STPG2: variants seen among roughly 807,000 people sequenced by gnomAD.
STPG2 encodes the protein sperm-tail PG-rich repeat-containing protein 2.
A neutral mutation model predicts 54.2 loss-of-function variants in STPG2; 56 were observed. The observed-to-expected ratio is 1.03, with a 90% CI of 0.83 to 1.29. The LOEUF (loss-of-function observed/expected upper bound fraction) is 1.29. STPG2 is among the 50% of genes most tolerant of loss of function. The pLI, the probability that STPG2 is intolerant of heterozygous loss-of-function variation, is 0.00. For missense variants in STPG2, 596 were observed against 544.9 expected (o/e 1.09, Z -0.93); for synonymous variants, 200 against 181.8 (o/e 1.10, Z -0.81).
At chr4:98,014,651 C>G (rs919187065) in intron 5 of STPG2, among the ~76,000 whole-genome samples, 5 of 152,140 alleles carry the variant, frequency 3.3e-5, no homozygotes, top group Non-Finnish European at 5.9e-5. Flanking sequence ...GATGTATGCA[C>G]TATCATTATA....
chr4:98,078,424 C>CA (rs1351054232), intron 5 of STPG2, among the ~76,000 whole-genome samples: 4 of 152,034 alleles, frequency 2.6e-5, no homozygotes, highest in Non-Finnish European at 4.4e-5. Flanking sequence ...ATAAAACATA[C>CA]TATATTTAAA....
intron 10 of STPG2, among the ~76,000 whole-genome samples, chr4:97,655,579 C>T (rs1722198349): frequency 6.6e-6 from 1 of 151,980 alleles, no homozygotes; most frequent in African/African-American, 2.4e-5. Flanking sequence ...AACATTTCCA[C>T]TGTTTATCGA....
intron 8 of STPG2, among the ~76,000 whole-genome samples, chr4:97,935,450 C>G (rs1732714935): frequency 1.3e-5 from 2 of 152,112 alleles, no homozygotes; most frequent in Admixed American, 6.6e-5. Flanking sequence ...TCTTGCTTCT[C>G]TAGTTGCTTT....
intron 8 of STPG2, among the ~76,000 whole-genome samples, chr4:97,845,272 T>C (rs1578615292): frequency 6.6e-6 from 1 of 152,042 alleles, no homozygotes; most frequent in African/African-American, 2.4e-5. Flanking sequence ...TTGTTAATAA[T>C]GCAAACTGTT....
chr4:97,985,205 A>T (rs187085647), intron 5 of STPG2, among the ~76,000 whole-genome samples: 26 of 152,304 alleles, frequency 1.7e-4, no homozygotes, highest in African/African-American at 6.3e-4. Context: ...TATAATGTTT[A>T]TAAAATGATA....
At chr4:98,067,706 C>T (rs969049) in intron 5 of STPG2, among the ~76,000 whole-genome samples, 60,665 of 151,914 alleles carry the variant, frequency 0.4, 12,374 homozygotes, top group Middle Eastern at 0.47. Context: ...TTAAAAGAGA[C>T]GAAGGATAGG....
chr4:97,924,049 T>A (rs930706877), intron 8 of STPG2, among the ~76,000 whole-genome samples: 1 of 152,192 alleles, frequency 6.6e-6, no homozygotes, highest in Non-Finnish European at 1.5e-5. Context: ...TTGCAATAAA[T>A]CTTGCTACTG....
chr4:97,615,802 C>T (rs973422761), intron 10 of STPG2, among the ~76,000 whole-genome samples: 11 of 150,848 alleles, frequency 7.3e-5, no homozygotes, highest in African/African-American at 1.9e-4. Context: ...ACTGGGAGGC[C>T]GAGACAGGTG....
intron 9 of STPG2, among the ~76,000 whole-genome samples, chr4:97,730,509 G>A (rs1208521299): frequency 6.6e-6 from 1 of 152,132 alleles, no homozygotes; most frequent in Non-Finnish European, 1.5e-5. Flanking sequence ...TTTCCTTTGA[G>A]TAAATACCCA....
chr4:97,510,550 A>G (rs549873692), intron 4 of STPG2, among the ~76,000 whole-genome samples: 9 of 152,244 alleles, frequency 5.9e-5, no homozygotes, highest in African/African-American at 2.2e-4. Context: ...AGTCTTGAGC[A>G]GCAGCCCCCT....
chr4:97,491,035 T>A (rs1366257528), intron 4 of STPG2, among the ~76,000 whole-genome samples: 1 of 151,604 alleles, frequency 6.6e-6, no homozygotes, highest in Non-Finnish European at 1.5e-5. Flanking sequence ...TCCTAATTTT[T>A]ATACTTAGGA....
At chr4:97,469,538 A>G (rs2148813916) in intron 4 of STPG2, among the ~76,000 whole-genome samples, 1 of 152,174 alleles carries the variant, frequency 6.6e-6, no homozygotes, top group Admixed American at 6.6e-5. Context: ...TCAGAGAGGA[A>G]GATACTAGGT....
At chr4:97,897,891 C>A (rs1223227765) in intron 8 of STPG2, among the ~76,000 whole-genome samples, 3 of 151,378 alleles carry the variant, frequency 2.0e-5, no homozygotes, top group Non-Finnish European at 4.4e-5. Context: ...CTTTGCCATG[C>A]AGAAGCTCTT....
At chr4:97,521,507 A>T (rs1731180373) in intron 4 of STPG2, among the ~76,000 whole-genome samples, 2 of 152,046 alleles carry the variant, frequency 1.3e-5, no homozygotes, top group African/African-American at 4.8e-5. Context: ...AAATGCATAA[A>T]CTGATACTCA....
At chr4:97,903,964 C>T (rs1048774140) in intron 8 of STPG2, among the ~76,000 whole-genome samples, 11 of 152,184 alleles carry the variant, frequency 7.2e-5, no homozygotes, top group African/African-American at 1.4e-4. Flanking sequence ...CACAGAGTCT[C>T]GCTGATTGCT....
At chr4:97,454,514 C>T (rs1249825661) in intron 4 of STPG2, among the ~76,000 whole-genome samples, 3 of 91,030 alleles carry the variant, frequency 3.3e-5, no homozygotes, top group African/African-American at 8.3e-5. Flanking sequence ...AGCGAGACTC[C>T]GTCTCAAAAA....
chr4:97,878,752 A>G (rs1730267225), intron 8 of STPG2, among the ~76,000 whole-genome samples: 1 of 152,130 alleles, frequency 6.6e-6, no homozygotes. Context: ...ATTATCCTGC[A>G]TTGTCTGGGG....
intron 8 of STPG2, among the ~76,000 whole-genome samples, chr4:97,861,172 T>A (rs1363627928): frequency 6.6e-6 from 1 of 151,986 alleles, no homozygotes; most frequent in East Asian, 1.9e-4. Flanking sequence ...GATTTAAAAA[T>A]GGGCAAAAAT....
intron 8 of STPG2, among the ~76,000 whole-genome samples, chr4:97,892,364 C>T (rs1455736840): frequency 6.6e-6 from 1 of 152,112 alleles, no homozygotes; most frequent in African/African-American, 2.4e-5. Flanking sequence ...GCATCAGCAC[C>T]TAATTCTTTT....
Sources: allele counts gnomAD v4.1 joint callset (sites outside exome capture counted in the v4.1 genomes callset), GRCh38; gene constraint gnomAD v4.1.1; transcripts MANE v1.5; gene names NCBI Gene and HGNC (gene_info 2026-07-23, HGNC 2026-07-21).